Variants in CLEC9A observed in about 807,000 individuals in gnomAD.
CLEC9A encodes the protein C-type lectin domain family 9 member A.
In CLEC9A, 24 loss-of-function variants were observed where a neutral mutation model predicts 30.0. The ratio of observed to expected loss-of-function variants is 0.80; its 90% CI spans 0.58 to 1.13. The LOEUF is 1.13. Ranked by LOEUF, CLEC9A falls within the 50% of genes most tolerant of loss-of-function variation. The probability of loss-of-function intolerance (pLI) is 0.00; values close to 1 mark genes in which losing one functional copy is unlikely to be tolerated. For synonymous variants in CLEC9A, 111 were observed against 96.8 expected (o/e 1.15, Z -0.86); for missense variants, 251 against 280.9 (o/e 0.89, Z 0.76).
intron 2 of CLEC9A, among the ~76,000 whole-genome samples, chr12:10,048,771 A>G (rs889781107): frequency 1.8e-4 from 27 of 152,106 alleles, no homozygotes; most frequent in South Asian, 4.1e-4. Context: ...TCCGCCACTG[A>G]GGTCTTGAAT....
intron 5 of CLEC9A, among the ~76,000 whole-genome samples, chr12:10,059,232 TA>T (rs1865973654): frequency 6.6e-6 from 1 of 152,092 alleles, no homozygotes; most frequent in South Asian, 2.1e-4. Context: ...TAAAATACAA[TA>T]AAGAATCCAG....
At chr12:10,058,501 T>C (rs138121188) in intron 5 of CLEC9A, among the ~76,000 whole-genome samples, 3 of 152,286 alleles carry the variant, frequency 2.0e-5, no homozygotes, top group African/African-American at 7.2e-5. Flanking sequence ...TCAGCAGCAA[T>C]GTTGATAAGT....
intron 1 of CLEC9A, among the ~76,000 whole-genome samples, chr12:10,035,270 T>C (rs1172069333): frequency 1.3e-5 from 2 of 152,162 alleles, no homozygotes; most frequent in Admixed American, 6.6e-5. Flanking sequence ...AGGATGGTCT[T>C]GGGAAATGCA....
At chr12:10,034,607 T>C (rs1007032716) in intron 1 of CLEC9A, among the ~76,000 whole-genome samples, 2 of 152,074 alleles carry the variant, frequency 1.3e-5, no homozygotes, top group African/African-American at 2.4e-5. Flanking sequence ...CCCCAGAAAA[T>C]AGAAACATGC....
chr12:10,048,198 AGT>A, intron 2 of CLEC9A, among the ~76,000 whole-genome samples: 2 of 150,324 alleles, frequency 1.3e-5, no homozygotes, highest in African/African-American at 4.9e-5. Context: ...GCGCCACTGC[AGT>A]CCGCAGTCCG....
chr12:10,063,115 T>A lies in CLEC9A; in HGVS notation c.380T>A (p.Val127Asp). 1 of 1,612,720 alleles carries A rather than the reference T, an allele frequency of 6.2e-7. No homozygotes were observed. Among genetic ancestry groups the A allele is most frequent in the Non-Finnish European group, 8.5e-7 (1 of 1,179,464 alleles). ...CAGAACAGAGAAAGTTGTTACTATG[T>A]CTCTGAAATTTGGAGCATTTGGCAC... is the stretch of plus-strand genomic sequence containing the variant. ...WIQNRESCYY[V>D]SEIWSIWHTS... Residue 127 changes from valine (V) to aspartate (D), a missense_variant, in exon 7 of 9, where the codon GTC becomes GAC. Coordinates refer to ENST00000355819, the MANE Select transcript of CLEC9A (RefSeq NM_207345.4).
At chr12:10,049,688 A>G (rs1865876831) in intron 2 of CLEC9A, among the ~76,000 whole-genome samples, 1 of 151,126 alleles carries the variant, frequency 6.6e-6, no homozygotes. Context: ...ACAGAATTGA[A>G]AAGAGTTAGG....
At position 10,061,185 on chromosome 12, in the gene CLEC9A, G is replaced by A. The variant is rs1432271114; in HGVS notation, c.231G>A (p.Arg77=). The change falls in exon 6 of 9, where the codon AGG becomes AGA. Residue 77 remains arginine (R), a synonymous_variant. Transcript: ENST00000355819. ...QQQEKLIQQE[R]ALLNFTEWKR... The stretch of plus-strand genomic sequence containing the variant: ...AAGAAAAACTCATCCAACAAGAGAG[G>A]GCACTGCTAAACTTTACAGAATGGA... 6.2e-7 allele frequency: 1 copy of A among 1,613,158 alleles called. No homozygotes were observed. Among genetic ancestry groups the A allele is most frequent in the African/African-American group, 1.3e-5 (1 of 74,946 alleles).
At chr12:10,059,693 GCC>G (rs1865978425) in intron 5 of CLEC9A, among the ~76,000 whole-genome samples, 1 of 152,082 alleles carries the variant, frequency 6.6e-6, no homozygotes, top group African/African-American at 2.4e-5. Context: ...GATTCCTTGA[GCC>G]CAGGAGTTCA....
intron 2 of CLEC9A, among the ~76,000 whole-genome samples, chr12:10,047,131 C>T (rs1194607687): frequency 6.6e-6 from 1 of 152,174 alleles, no homozygotes; most frequent in Non-Finnish European, 1.5e-5. Context: ...AGAAACACCT[C>T]AAATGTTACT....
intron 5 of CLEC9A, among the ~76,000 whole-genome samples, chr12:10,057,124 C>A (rs2137311346): frequency 6.6e-6 from 1 of 152,132 alleles, no homozygotes; most frequent in South Asian, 2.1e-4. Context: ...TAAGCAGCTT[C>A]TTCATGTGAA....
intron 6 of CLEC9A, among the ~76,000 whole-genome samples, chr12:10,061,764 C>T (rs901775938): frequency 6.6e-6 from 1 of 152,160 alleles, no homozygotes; most frequent in African/African-American, 2.4e-5. Flanking sequence ...GAAGTTACTG[C>T]AGTTTAATCT....
At chr12:10,051,330 T>C (rs1865891453) in intron 2 of CLEC9A, among the ~76,000 whole-genome samples, 1 of 152,208 alleles carries the variant, frequency 6.6e-6, no homozygotes, top group Non-Finnish European at 1.5e-5. Context: ...AATGAACGCA[T>C]TATCAGGGCA....
At chr12:10,040,472 A>G (rs1205801314) in intron 1 of CLEC9A, among the ~76,000 whole-genome samples, 2 of 141,084 alleles carry the variant, frequency 1.4e-5, no homozygotes, top group South Asian at 4.4e-4. Flanking sequence ...TTTTTTTGAG[A>G]TGGAGTCTTG....
At chr12:10,031,189 C>T (rs1256532886) in intron 1 of CLEC9A, among the ~76,000 whole-genome samples, 1 of 152,198 alleles carries the variant, frequency 6.6e-6, no homozygotes, top group African/African-American at 2.4e-5. Flanking sequence ...TATGTATCAT[C>T]TGCAGAGATG....
intron 1 of CLEC9A, among the ~76,000 whole-genome samples, chr12:10,032,024 A>G (rs958706211): frequency 8.5e-5 from 13 of 152,130 alleles, no homozygotes; most frequent in Non-Finnish European, 1.3e-4. Context: ...ATACCTTAGG[A>G]GGGAATTGCA....
chr12:10,065,319 T>A lies in CLEC9A; in HGVS notation c.594-181T>A, dbSNP rs112212644. Among the ~76,000 whole-genome samples the A allele has an allele frequency of 6.2e-3, 944 of 152,316 alleles. 11 individuals are homozygous for A. Among genetic ancestry groups the A allele is most frequent in the African/African-American group, 0.021 (881 of 41,574 alleles). ...TTACATGCTGTTTTTGTTCAAATTA[T>A]ATTAACATTCTTTATTGAGAGAAAG... On this transcript the variant is annotated intron_variant, in intron 8 of 8. Coordinates refer to ENST00000355819, the MANE Select transcript of CLEC9A (RefSeq NM_207345.4).
rs933237176 is a variant in CLEC9A, at chr12:10,063,125, T to G, written c.390T>G (p.Ile130Met). The change falls in exon 7 of 9, where the codon ATT (isoleucine) becomes ATG (methionine). Residue 130 changes from isoleucine to methionine, a missense_variant. By Grantham distance (10) the Ile-to-Met change is conservative (BLOSUM62 1). Coordinates refer to ENST00000355819, the MANE Select transcript of CLEC9A (RefSeq NM_207345.4). ...AAAGTTGTTACTATGTCTCTGAAAT[T>G]TGGAGCATTTGGCACACCAGTCAAG... ...NRESCYYVSE[I>M]WSIWHTSQEN... is the part of the protein sequence containing the mutation. The G allele has an allele frequency of 6.2e-7, 1 of 1,612,536 alleles. No homozygotes were observed. Among genetic ancestry groups the G allele is most frequent in the Non-Finnish European group, 8.5e-7 (1 of 1,179,378 alleles).
At chr12:10,051,660 T>C (rs1865893550) in intron 2 of CLEC9A, among the ~76,000 whole-genome samples, 1 of 152,214 alleles carries the variant, frequency 6.6e-6, no homozygotes, top group South Asian at 2.1e-4. Context: ...AGTGTAATTT[T>C]GCATATTATT....
Sources: allele counts gnomAD v4.1 joint callset (sites outside exome capture counted in the v4.1 genomes callset), GRCh38; gene constraint gnomAD v4.1.1; transcripts MANE v1.5; gene names NCBI Gene and HGNC (gene_info 2026-07-23, HGNC 2026-07-21).